The following RIPOR2 variants were observed in gnomAD, a reference collection of about 807,000 sequenced individuals.
RIPOR2 encodes the protein RHO family interacting cell polarization regulator 2, also known as rho family-interacting cell polarization regulator 2.
Under a neutral mutation model 114.5 loss-of-function variants are expected in RIPOR2, and 39 were observed. The observed-to-expected ratio is 0.34, with a 90% CI of 0.26 to 0.44. RIPOR2 has a LOEUF of 0.44. RIPOR2 is among the 20% of genes least tolerant of loss of function. RIPOR2 has a pLI of 1.00. For missense variants in RIPOR2, 1,007 were observed against 1,255.1 expected (o/e 0.80, Z 2.99); for synonymous variants, 445 against 484.4 (o/e 0.92, Z 1.07).
intron 13 of RIPOR2, among the ~76,000 whole-genome samples, chr6:24,842,585 T>G (rs1174199221): frequency 1.3e-5 from 2 of 152,164 alleles, no homozygotes; most frequent in East Asian, 1.9e-4. Flanking sequence ...ACTTCACATA[T>G]GGGATTAAAA....
intron 1 of RIPOR2, among the ~76,000 whole-genome samples, chr6:25,017,454 T>G (rs1177471450): frequency 3.3e-5 from 5 of 152,248 alleles, no homozygotes; most frequent in Non-Finnish European, 7.3e-5. Flanking sequence ...AGTTCGCAGT[T>G]TATGCACACA....
At chr6:25,035,328 T>C (rs889437535) in intron 1 of RIPOR2, among the ~76,000 whole-genome samples, 2 of 152,198 alleles carry the variant, frequency 1.3e-5, no homozygotes, top group African/African-American at 4.8e-5. Context: ...ACTGACCTCC[T>C]CTCAAATCTT....
intron 1 of RIPOR2, among the ~76,000 whole-genome samples, chr6:25,033,949 T>A (rs1033013041): frequency 6.6e-6 from 1 of 152,278 alleles, no homozygotes; most frequent in East Asian, 1.9e-4. Flanking sequence ...TTTTCTTCCA[T>A]GTAGTTGTGC....
chr6:24,993,506 G>A (rs111355787), intron 1 of RIPOR2, among the ~76,000 whole-genome samples: 3,871 of 152,362 alleles, frequency 0.025, 55 homozygotes, highest in Non-Finnish European at 0.038. Flanking sequence ...CTTAAAGACA[G>A]CATACCATTG....
chr6:24,916,433 T>A (rs537863682), intron 1 of RIPOR2, among the ~76,000 whole-genome samples: 3 of 152,214 alleles, frequency 2.0e-5, no homozygotes, highest in Non-Finnish European at 2.9e-5. Context: ...GAACTATGTT[T>A]TGTGCTGCAT....
At chr6:24,964,758 T>C (rs1405410361) in intron 1 of RIPOR2, among the ~76,000 whole-genome samples, 1 of 152,246 alleles carries the variant, frequency 6.6e-6, no homozygotes, top group East Asian at 1.9e-4. Flanking sequence ...CCACCAGCAA[T>C]GTATGAAATA....
intron 1 of RIPOR2, among the ~76,000 whole-genome samples, chr6:24,927,991 C>A: frequency 6.6e-6 from 1 of 152,224 alleles, no homozygotes. Context: ...TCTCTAGAAG[C>A]TGTTTGCAGA....
At position 24,805,922 on chromosome 6, in the gene RIPOR2, C is replaced by A. The variant is rs1164439804; in HGVS notation, c.*451G>T. ...GTACTGTGAAACGAGACTCTGAATT[C>A]TTTCTATAACATGTTTTTTTAGTTG... On this transcript the variant is annotated 3_prime_UTR_variant, in exon 22 of 22. Coordinates refer to ENST00000643898, the MANE Select transcript of RIPOR2 (RefSeq NM_001286445.3). The A allele has an allele frequency of 6.2e-6, 1 of 160,364 alleles. No homozygotes were observed. The highest frequency in any genetic ancestry group is 1.4e-5 in the Non-Finnish European group (1 of 74,000). 9.9% of individuals were successfully genotyped at this position (160,364 alleles called of 1,614,324 possible).
Position 25,003,384 on chromosome 6 carries a change from CATTATTATTATTATT to C in RIPOR2, c.76+38452_76+38466del, listed in dbSNP as rs57985459. Among the ~76,000 whole-genome samples, 22 of 143,868 alleles carry C rather than the reference CATTATTATTATTATT, an allele frequency of 1.5e-4. No individual in the cohort carries two copies. The East Asian group carries it at 1.8e-3, about 12-fold the overall frequency. The allele number at this position is 143,868 out of a possible 152,430, so 94.4% of individuals were successfully genotyped here. Reference sequence around the variant, plus strand: ...AATTATCAGTTTTTCAGAATTAACACATTATTATTATTATTATTATTATTATTATTATTATTATTA... The same window carrying C: ...AATTATCAGTTTTTCAGAATTAACACATTATTATTATTATTATTATTATTA... On this transcript the variant is annotated intron_variant, in intron 1 of 13. Coordinates refer to the RIPOR2 transcript ENST00000510784.
chr6:24,884,559 A>G (rs1766642203), intron 1 of RIPOR2, among the ~76,000 whole-genome samples: 1 of 152,352 alleles, frequency 6.6e-6, no homozygotes, highest in Admixed American at 6.5e-5. Context: ...CGGATGAAAA[A>G]AAAGTGTAGA....
At position 24,935,375 on chromosome 6, in the gene RIPOR2, A is replaced by T. The variant is rs368473849; in HGVS notation, c.61+463T>A. ...CCGAGAGAAAGATAGACAGAGAGAG[A>T]GAGACAGAGAGAGAGAGAGACAGAA... is the stretch of plus-strand genomic sequence containing the variant. On this transcript the variant is annotated intron_variant, in intron 1 of 21. Transcript: ENST00000643898. Among the ~76,000 whole-genome samples, 1,406 of 150,550 alleles carry T rather than the reference A, an allele frequency of 9.3e-3. 13 individuals are homozygous for T. Among genetic ancestry groups the T allele is most frequent in the Middle Eastern group, 0.041 (12 of 292 alleles).
chr6:24,967,856 A>G (rs1773596579), intron 1 of RIPOR2, among the ~76,000 whole-genome samples: 1 of 151,082 alleles, frequency 6.6e-6, no homozygotes, highest in African/African-American at 2.4e-5. Flanking sequence ...ATCAGAGCCC[A>G]GGTCTTCAGA....
At chr6:24,893,425 G>A (rs74707002) in intron 1 of RIPOR2, among the ~76,000 whole-genome samples, 2 of 152,214 alleles carry the variant, frequency 1.3e-5, no homozygotes, top group African/African-American at 4.8e-5. Flanking sequence ...GTGAATGTAA[G>A]AATGGGGGAC....
At chr6:24,915,580 G>A (rs1770010581) in intron 1 of RIPOR2, among the ~76,000 whole-genome samples, 1 of 152,126 alleles carries the variant, frequency 6.6e-6, no homozygotes, top group African/African-American at 2.4e-5. Flanking sequence ...GGCCAGGCTG[G>A]TCTCAAACTC....
chr6:24,964,749 C>T (rs553884467), intron 1 of RIPOR2, among the ~76,000 whole-genome samples: 40 of 152,330 alleles, frequency 2.6e-4, no homozygotes, highest in African/African-American at 8.7e-4. Context: ...TTTATACCCC[C>T]ACCAGCAATG....
At chr6:24,836,601 G>A (rs936950781) in intron 14 of RIPOR2, among the ~76,000 whole-genome samples, 2 of 152,202 alleles carry the variant, frequency 1.3e-5, no homozygotes, top group Middle Eastern at 3.2e-3. Flanking sequence ...GAGATTTTGA[G>A]TGTCCTGGTT....
At chr6:24,926,661 A>G (rs1003256002) in intron 1 of RIPOR2, among the ~76,000 whole-genome samples, 7 of 152,152 alleles carry the variant, frequency 4.6e-5, no homozygotes, top group Admixed American at 3.9e-4. Flanking sequence ...TCTTCCTAAC[A>G]AAGGCCAGGA....
intron 1 of RIPOR2, 127 bp from the exon 2 acceptor site, chr6:24,875,944 T>C (rs2113901973): frequency 1.2e-6 from 1 of 831,322 alleles, no homozygotes; most frequent in East Asian, 2.7e-5. Flanking sequence ...TGAGGTTCTT[T>C]ATTATGGAGT....
At chr6:24,882,507 C>T (rs1051380935) in intron 1 of RIPOR2, among the ~76,000 whole-genome samples, 3 of 152,136 alleles carry the variant, frequency 2.0e-5, no homozygotes, top group Admixed American at 1.3e-4. Flanking sequence ...AATACTGAGA[C>T]TCATTAAAGG....
Sources: gnomAD v4.1 joint callset for allele counts (sites outside exome capture counted in the v4.1 genomes callset) on GRCh38, gnomAD v4.1.1 for gene constraint, MANE v1.5 for transcripts, NCBI Gene and HGNC (gene_info 2026-07-23, HGNC 2026-07-21) for gene names.